Variants in PDZD2 observed in about 807,000 individuals in gnomAD.
PDZD2 encodes the protein PDZ domain containing 2.
A neutral mutation model predicts 220.7 loss-of-function variants in PDZD2; 90 were observed. That is an observed-to-expected ratio of 0.41 (90% CI 0.34 to 0.49). The LOEUF is 0.49. Ranked by LOEUF, PDZD2 falls within the 20% of genes least tolerant of loss-of-function variation. The pLI, the probability that PDZD2 is intolerant of heterozygous loss-of-function variation, is 0.28. For synonymous variants in PDZD2, 1,375 were observed against 1,450.5 expected, an observed-to-expected ratio of 0.95 and a Z score of 1.18; for missense variants, 3,174 against 3,608.5, an observed-to-expected ratio of 0.88 and a Z score of 3.08.
intron 2 of PDZD2, among the ~76,000 whole-genome samples, chr5:31,808,759 T>C (rs1754896537): frequency 6.6e-6 from 1 of 152,048 alleles, no homozygotes; most frequent in African/African-American, 2.4e-5. Context: ...GGTGGATCAC[T>C]TGAGGTCAGG....
intron 1 of PDZD2, among the ~76,000 whole-genome samples, chr5:31,714,639 G>A (rs773202654): frequency 2.7e-4 from 41 of 152,138 alleles, no homozygotes; most frequent in Admixed American, 1.5e-3. Flanking sequence ...TGAGAAAGTG[G>A]ATTTGGCAGA....
rs1019683562 is a variant in PDZD2, at chr5:32,021,219, C to T, written c.1407+10737C>T. The stretch of plus-strand genomic sequence containing the variant: ...GAAATGGAGCGATTTAGGACAAACT[C>T]CTCACCCCACCCCCTACCGTTACTG... On this transcript the variant is annotated intron_variant, in intron 6 of 24. Coordinates refer to ENST00000438447, the MANE Select transcript of PDZD2 (RefSeq NM_178140.4). 7.2e-5 allele frequency among the ~76,000 whole-genome samples: 11 copies of T among 151,864 alleles called. 1 individual carries two copies. The highest frequency in any genetic ancestry group is 1.7e-4 in the African/African-American group (7 of 41,320).
At chr5:31,739,117 C>A (rs995502972) in intron 1 of PDZD2, among the ~76,000 whole-genome samples, 3 of 152,154 alleles carry the variant, frequency 2.0e-5, no homozygotes, top group African/African-American at 7.2e-5. Context: ...AACTCCTGAC[C>A]TCAAGTGATC....
At chr5:31,977,405 C>T (rs1302290907) in intron 2 of PDZD2, among the ~76,000 whole-genome samples, 2 of 152,216 alleles carry the variant, frequency 1.3e-5, no homozygotes, top group African/African-American at 4.8e-5. Flanking sequence ...CTTCAGCTTT[C>T]TGACATCTCC....
Position 31,995,582 on chromosome 5 carries a change from G to T in PDZD2, c.985G>T (p.Val329Phe), listed in dbSNP as rs1751563102. The T allele has an allele frequency of 1.2e-6, 2 of 1,614,076 alleles. No homozygotes were observed. The highest frequency in any genetic ancestry group is 1.7e-5 in the Admixed American group (1 of 60,010). The change falls in exon 4 of 25, where the codon GTT (valine) becomes TTT (phenylalanine). Residue 329 changes from valine to phenylalanine, a missense_variant. Physicochemically the swap from Val to Phe is conservative, Grantham distance 50. Transcript: ENST00000438447. ...GCTCACTTTTTCTTCCAAGGAGGAA[G>T]TTGGCCGAATATGGAAGATGGAGCT... ...QSSDCLAREE[V>F]GRIWKMELLK...
chr5:31,665,142 C>T (rs1745933037), intron 1 of PDZD2: 1 of 152,230 alleles, frequency 6.6e-6, no homozygotes, highest in South Asian at 2.1e-4. Context: ...GTAAGAGAGG[C>T]ACCTAACCTG....
intron 1 of PDZD2, among the ~76,000 whole-genome samples, chr5:31,680,754 C>G (rs1293012388): frequency 6.6e-6 from 1 of 152,126 alleles, no homozygotes; most frequent in Non-Finnish European, 1.5e-5. Flanking sequence ...ATGATGCCGG[C>G]TTGTCCTTGA....
At chr5:32,038,453 C>T (rs1008025365) in intron 7 of PDZD2, among the ~76,000 whole-genome samples, 16 of 152,012 alleles carry the variant, frequency 1.1e-4, no homozygotes, top group African/African-American at 3.9e-4. Flanking sequence ...AGGGGAATCA[C>T]TTGAACCTAG....
intron 2 of PDZD2, among the ~76,000 whole-genome samples, chr5:31,833,042 C>T (rs1249038090): frequency 2.0e-5 from 3 of 152,114 alleles, no homozygotes; most frequent in Non-Finnish European, 2.9e-5. Context: ...TTAGCACAGT[C>T]GGTAGCCACT....
At chr5:31,929,501 A>G (rs1745065879) in intron 2 of PDZD2, among the ~76,000 whole-genome samples, 1 of 152,212 alleles carries the variant, frequency 6.6e-6, no homozygotes, top group Admixed American at 6.5e-5. Context: ...CTGTGGGGCA[A>G]TATCTTCCCC....
intron 1 of PDZD2, among the ~76,000 whole-genome samples, chr5:31,697,689 G>A (rs1451700552): frequency 3.3e-5 from 5 of 152,108 alleles, no homozygotes; most frequent in Admixed American, 1.3e-4. Context: ...CAGGGGCAGA[G>A]GACATTGGCA....
chr5:32,001,573 C>T (rs1472902575), intron 5 of PDZD2, among the ~76,000 whole-genome samples: 1 of 152,236 alleles, frequency 6.6e-6, no homozygotes, highest in Non-Finnish European at 1.5e-5. Flanking sequence ...TCCACGGGTC[C>T]TCCACAGGTC....
chr5:32,025,554 C>G (rs1467540288), intron 6 of PDZD2, among the ~76,000 whole-genome samples: 1 of 95,844 alleles, frequency 1.0e-5, no homozygotes, highest in Non-Finnish European at 2.1e-5. Context: ...AACAAACAAA[C>G]AAAAAACAAC....
chr5:31,989,435 T>TTTTTTATTTATTTATTTA, intron 3 of PDZD2, among the ~76,000 whole-genome samples: 1 of 149,056 alleles, frequency 6.7e-6, no homozygotes, highest in African/African-American at 2.5e-5. Context: ...TTTTTTTTTT[T>TTTTTTATTTATTTATTTA]TTTTTGAGAC....
At chr5:31,976,707 CTT>C (rs1365759302) in intron 2 of PDZD2, among the ~76,000 whole-genome samples, 2 of 121,656 alleles carry the variant, frequency 1.6e-5, no homozygotes, top group Admixed American at 9.6e-5. Context: ...TCCTTTTTTT[CTT>C]CTTTCTTTTT....
chr5:31,904,847 A>C (rs1444725592), intron 2 of PDZD2, among the ~76,000 whole-genome samples: 3 of 152,218 alleles, frequency 2.0e-5, no homozygotes, highest in Non-Finnish European at 2.9e-5. Context: ...TGAGGTTATA[A>C]TTAAGCATTA....
chr5:31,908,981 G>A lies in PDZD2; in HGVS notation c.477-74174G>A, dbSNP rs544901721. On this transcript the variant is annotated intron_variant, in intron 2 of 24. Transcript: ENST00000438447. ...AGAATTGCTGAACCCGGGAGGCGGA[G>A]GCTGCAATGAGCTGAGATTACTGCA... 426 of 320,808 alleles carry A rather than the reference G, an allele frequency of 1.3e-3. 2 individuals carry two copies. Among genetic ancestry groups the A allele is most frequent in the Non-Finnish European group, 2.2e-3 (364 of 168,514 alleles). The allele number at this position is 320,808 out of a possible 1,614,324, so 19.9% of individuals were successfully genotyped here.
At position 32,109,041 on chromosome 5, in the gene PDZD2, G is replaced by A. The variant is rs1440906137; in HGVS notation, c.*906G>A. 1 of 29,046 alleles carries A rather than the reference G, an allele frequency of 3.4e-5. No homozygotes were observed. Among genetic ancestry groups the A allele is most frequent in the African/African-American group, 7.3e-5 (1 of 13,658 alleles). 1.8% of individuals were successfully genotyped at this position (29,046 alleles called of 1,614,324 possible). A position where few individuals can be genotyped will look rare whatever the true frequency, so the allele number is the denominator to read the frequency against. On this transcript the variant is annotated 3_prime_UTR_variant, in exon 25 of 25. Transcript: ENST00000438447. ...CCAAGAGCAGACAAAAATATCACAAGTCAGTCAGTCACTGGGTTTCCATTT... is the reference window on the plus strand; with the variant it reads ...CCAAGAGCAGACAAAAATATCACAAATCAGTCAGTCACTGGGTTTCCATTT...
chr5:31,647,147 G>A (rs752591606), intron 1 of PDZD2, among the ~76,000 whole-genome samples: 11 of 152,082 alleles, frequency 7.2e-5, no homozygotes, highest in Non-Finnish European at 1.2e-4. Context: ...CCCAGGCTCC[G>A]TCTTTATCTT....
Sources: allele counts gnomAD v4.1 joint callset (sites outside exome capture counted in the v4.1 genomes callset), GRCh38; gene constraint gnomAD v4.1.1; transcripts MANE v1.5; gene names NCBI Gene and HGNC (gene_info 2026-07-23, HGNC 2026-07-21).